ARID2: variants seen among roughly 807,000 people sequenced by gnomAD.
ARID2 encodes the protein AT-rich interaction domain 2.
ARID2 carries 32 observed loss-of-function variants against 184.6 expected under a neutral mutation model. That is an observed-to-expected ratio of 0.17 (90% CI 0.13 to 0.23). The LOEUF is 0.23. ARID2 is among the 10% of genes least tolerant of loss of function. The pLI, the probability that ARID2 is intolerant of heterozygous loss-of-function variation, is 1.00. For synonymous variants in ARID2, 836 were observed against 772.6 expected (o/e 1.08, Z -1.36); for missense variants, 1,696 against 2,197.6 (o/e 0.77, Z 4.56).
chr12:45,803,976 A>C (rs567540357), intron 3 of ARID2, among the ~76,000 whole-genome samples: 1 of 152,232 alleles, frequency 6.6e-6, no homozygotes, highest in South Asian at 2.1e-4. Context: ...TGTCTGAAGT[A>C]GGATGAGTAA....
intron 20 of ARID2, chr12:45,904,300 C>G (rs1407697173): frequency 1.4e-6 from 1 of 712,432 alleles, no homozygotes; most frequent in African/African-American, 1.8e-5. Flanking sequence ...CCATTTTGTT[C>G]CTCTCCAGCT....
intron 16 of ARID2, among the ~76,000 whole-genome samples, chr12:45,869,016 A>G (rs905899055): frequency 2.1e-4 from 26 of 123,072 alleles, no homozygotes; most frequent in African/African-American, 9.3e-4. Context: ...TTGGGTTGCA[A>G]TTGCTTTTTG....
Position 45,831,699 on chromosome 12 carries a change from A to G in ARID2, c.706-4890A>G, listed in dbSNP as rs913171491. On this transcript the variant is annotated intron_variant, in intron 6 of 20. Transcript: ENST00000334344. ...AACCATCATTCTACTCTCCATCTCC[A>G]TGAGTTCAGTTCAGTTGTTCTACAA... Among the ~76,000 whole-genome samples the G allele has an allele frequency of 9.9e-5, 15 of 152,222 alleles. No homozygotes were observed. In the East Asian group the frequency reaches 1.5e-3, roughly 16 times the overall value.
chr12:45,895,182 C>T lies in ARID2; in HGVS notation c.5363+1461C>T, dbSNP rs1944354194. On this transcript the variant is annotated intron_variant, in intron 20 of 20. Coordinates refer to ENST00000334344, the MANE Select transcript of ARID2 (RefSeq NM_152641.4). Reference sequence around the variant, plus strand: ...TTATGTGGCTTTTTCCCTTACAGAACTATGTGCAGAGACTTCCTCTGATTA... The same window carrying T: ...TTATGTGGCTTTTTCCCTTACAGAATTATGTGCAGAGACTTCCTCTGATTA... Among the ~76,000 whole-genome samples, 3 of 152,196 alleles carry T rather than the reference C, an allele frequency of 2.0e-5. No individual in the cohort carries two copies. In the South Asian group the frequency reaches 6.2e-4, roughly 31 times the overall value.
intron 11 of ARID2, chr12:45,841,890 A>G (rs1296500699): frequency 1.3e-5 from 2 of 152,112 alleles, no homozygotes; most frequent in Non-Finnish European, 2.9e-5. Context: ...CACCCTGTCA[A>G]TACTTTTTAG....
intron 3 of ARID2, among the ~76,000 whole-genome samples, chr12:45,738,980 T>A (rs1328978035): frequency 6.6e-6 from 1 of 151,856 alleles, no homozygotes. Flanking sequence ...GTCTTTTTTT[T>A]TCTTTTTGAG....
chr12:45,854,545 T>C (rs1943610720), intron 15 of ARID2, among the ~76,000 whole-genome samples: 1 of 152,206 alleles, frequency 6.6e-6, no homozygotes, highest in Non-Finnish European at 1.5e-5. Context: ...ATGTGGAGTA[T>C]ATAGTAGATA....
chr12:45,780,820 A>T (rs1001399163), intron 3 of ARID2, among the ~76,000 whole-genome samples: 1 of 151,946 alleles, frequency 6.6e-6, no homozygotes, highest in African/African-American at 2.4e-5. Flanking sequence ...GGGTTTCACT[A>T]TGTTGGCCAG....
intron 20 of ARID2, among the ~76,000 whole-genome samples, chr12:45,902,270 T>C (rs1459848008): frequency 3.3e-5 from 5 of 152,188 alleles, no homozygotes; most frequent in Admixed American, 3.3e-4. Flanking sequence ...CTTAATTTTT[T>C]AAAACCTCAA....
rs1940992034 is a variant in ARID2 at position 45,731,309 on chromosome 12, C to T, written c.279C>T (p.Tyr93=). 1.9e-6 allele frequency: 3 copies of T among 1,611,560 alleles called. No individual in the cohort carries two copies. Among genetic ancestry groups the T allele is most frequent in the Non-Finnish European group, 2.5e-6 (3 of 1,177,762 alleles). Reference sequence around the variant, plus strand: ...CTGCCTTTGCTTTAAAACAGTATTACTTGCGGTGAGTAGTAGTGACTTTTC... The same window carrying T: ...CTGCCTTTGCTTTAAAACAGTATTATTTGCGGTGAGTAGTAGTGACTTTTC... ...SNAAFALKQY[Y]LRYLEKYEKV... Residue 93 remains tyrosine, a synonymous_variant, in exon 3 of 21, where the codon TAC becomes TAT. Coordinates refer to ENST00000334344, the MANE Select transcript of ARID2 (RefSeq NM_152641.4).
intron 15 of ARID2, among the ~76,000 whole-genome samples, chr12:45,856,552 C>T (rs1943654601): frequency 1.3e-5 from 2 of 151,806 alleles, no homozygotes; most frequent in East Asian, 1.9e-4. Context: ...GTACTTGCAC[C>T]CTGATAAGGG....
intron 3 of ARID2, among the ~76,000 whole-genome samples, chr12:45,754,347 C>T (rs529238795): frequency 2.8e-4 from 42 of 152,308 alleles, no homozygotes; most frequent in African/African-American, 9.4e-4. Flanking sequence ...CCTTGCCATA[C>T]CCTTGCACAT....
chr12:45,870,365 C>T (rs561390540), intron 16 of ARID2, among the ~76,000 whole-genome samples: 1 of 152,272 alleles, frequency 6.6e-6, no homozygotes, highest in Admixed American at 6.5e-5. Context: ...TATCTCCGTC[C>T]TCCCTGCACA....
Position 45,819,747 on chromosome 12 carries a change from G to GT in ARID2, c.638-1661dup, listed in dbSNP as rs199943110. Among the ~76,000 whole-genome samples the GT allele has an allele frequency of 7.6e-3, 1,086 of 143,380 alleles. 16 individuals carry two copies. Among genetic ancestry groups the GT allele is most frequent in the African/African-American group, 0.022 (852 of 39,486 alleles). 94.1% of individuals were successfully genotyped at this position (143,380 alleles called of 152,430 possible). A position where few individuals can be genotyped will look rare whatever the true frequency, so the allele number is the denominator to read the frequency against. ...GTGGGTTTTTTGTTTGTTTTTTTGG[G>GT]TTTTTTTTTTTTAAGAGACAGAACC... is the stretch of plus-strand genomic sequence containing the variant. On this transcript the variant is annotated intron_variant, in intron 5 of 20. Transcript: ENST00000334344.
intron 3 of ARID2, among the ~76,000 whole-genome samples, chr12:45,778,122 G>A (rs1015896302): frequency 6.6e-6 from 1 of 152,048 alleles, no homozygotes; most frequent in Non-Finnish European, 1.5e-5. Flanking sequence ...CAGTGGAATC[G>A]CTTGAACCCG....
intron 3 of ARID2, among the ~76,000 whole-genome samples, chr12:45,786,701 ACCATTATT>A (rs1942200964): frequency 6.6e-6 from 1 of 152,236 alleles, no homozygotes; most frequent in Non-Finnish European, 1.5e-5. Flanking sequence ...TGCTCAGTGT[ACCATTATT>A]CACAATAGCC....
intron 15 of ARID2, among the ~76,000 whole-genome samples, chr12:45,856,748 A>T (rs527910174): frequency 1.3e-5 from 2 of 152,324 alleles, no homozygotes; most frequent in African/African-American, 4.8e-5. Flanking sequence ...GCAACAAGTA[A>T]AAAGAATCTA....
At chr12:45,745,951 A>G (rs1424559493) in intron 3 of ARID2, among the ~76,000 whole-genome samples, 1 of 152,088 alleles carries the variant, frequency 6.6e-6, no homozygotes, top group Non-Finnish European at 1.5e-5. Flanking sequence ...TAAAAACCTA[A>G]ACTTACATAT....
intron 3 of ARID2, among the ~76,000 whole-genome samples, chr12:45,758,324 C>G (rs1941608963): frequency 6.6e-6 from 1 of 152,136 alleles, no homozygotes; most frequent in African/African-American, 2.4e-5. Context: ...TGAGGCCCAA[C>G]ACAAGTTTGT....
Sources: allele counts gnomAD v4.1 joint callset (sites outside exome capture counted in the v4.1 genomes callset), GRCh38; gene constraint gnomAD v4.1.1; transcripts MANE v1.5; gene names NCBI Gene and HGNC (gene_info 2026-07-23, HGNC 2026-07-21).